PHKB: variants seen among roughly 807,000 people sequenced by gnomAD.
PHKB encodes phosphorylase b kinase regulatory subunit beta.
In PHKB, 122 loss-of-function variants were observed where a neutral mutation model predicts 152.1. That is an observed-to-expected ratio of 0.80 (90% CI 0.69 to 0.93). PHKB has a LOEUF of 0.93. PHKB is among the 40% of genes least tolerant of loss of function. PHKB has a pLI of 0.00. For missense variants in PHKB, 1,304 were observed against 1,328.4 expected, an observed-to-expected ratio of 0.98 and a Z score of 0.29; for synonymous variants, 436 against 464.9, an observed-to-expected ratio of 0.94 and a Z score of 0.80.
chr16:47,516,490 G>A (rs547039498), intron 6 of PHKB, among the ~76,000 whole-genome samples: 2 of 152,330 alleles, frequency 1.3e-5, no homozygotes, highest in South Asian at 4.1e-4. Context: ...ATGTGCCATA[G>A]TGGGAGCAAA....
intron 7 of PHKB, among the ~76,000 whole-genome samples, chr16:47,559,293 G>T (rs750862890): frequency 1.3e-5 from 2 of 152,118 alleles, no homozygotes; most frequent in Non-Finnish European, 2.9e-5. Context: ...CTATTTTACA[G>T]TATTCAAAAT....
At chr16:47,610,055 C>T (rs1972397773) in intron 13 of PHKB, among the ~76,000 whole-genome samples, 1 of 151,570 alleles carries the variant, frequency 6.6e-6, no homozygotes, top group South Asian at 2.1e-4. Context: ...TACAGTGGCA[C>T]AATCTTGGCT....
intron 16 of PHKB, among the ~76,000 whole-genome samples, chr16:47,643,080 A>C (rs1450859100): frequency 6.6e-6 from 1 of 152,126 alleles, no homozygotes; most frequent in Non-Finnish European, 1.5e-5. Flanking sequence ...ATTAACCCAA[A>C]TCTGTTTTTT....
intron 25 of PHKB, among the ~76,000 whole-genome samples, chr16:47,667,475 T>C (rs1457178986): frequency 2.6e-5 from 4 of 152,124 alleles, no homozygotes; most frequent in Non-Finnish European, 5.9e-5. Context: ...AAGAAAAAGT[T>C]AAATCACTTC....
intron 14 of PHKB, among the ~76,000 whole-genome samples, chr16:47,626,346 T>C (rs994773492): frequency 3.3e-5 from 5 of 152,192 alleles, no homozygotes; most frequent in African/African-American, 1.2e-4. Flanking sequence ...TGATGATAAA[T>C]CTTGCCTCAA....
intron 20 of PHKB, among the ~76,000 whole-genome samples, chr16:47,652,366 C>T (rs1320009285): frequency 6.7e-6 from 1 of 149,638 alleles, no homozygotes; most frequent in African/African-American, 2.5e-5. Context: ...GCCCTCCTTC[C>T]TGCTCTAGTG....
chr16:47,495,186 A>C (rs1487255972), intron 1 of PHKB, among the ~76,000 whole-genome samples: 1 of 140,662 alleles, frequency 7.1e-6, no homozygotes, highest in Admixed American at 7.0e-5. Flanking sequence ...CTCTAACAGA[A>C]CTCCTTTTTT....
In PHKB at chr16:47,649,148, G is replaced by C. The variant is rs202127217; in HGVS notation, c.1741G>C (p.Asp581His). The change falls in exon 18 of 31, where the codon GAC becomes CAC. Residue 581 changes from aspartate to histidine, a missense_variant. Asp to His is a moderately conservative substitution (Grantham distance 81). Coordinates refer to ENST00000323584, the MANE Select transcript of PHKB (RefSeq NM_000293.3). ...KTVVCYPIIFDLSDFYMSQDV... is the reference protein window; with the variant it reads ...KTVVCYPIIFHLSDFYMSQDV... ...TGTGGTTTGTTACCCGATTATTTTCGACCTAAGTGATTTCTACATGTCTCA... is the reference window on the plus strand; with the variant it reads ...TGTGGTTTGTTACCCGATTATTTTCCACCTAAGTGATTTCTACATGTCTCA... 2 of 1,610,834 alleles carry C rather than the reference G, an allele frequency of 1.2e-6. No individual in the cohort carries two copies. Among genetic ancestry groups the C allele is most frequent in the African/African-American group, 1.3e-5 (1 of 74,896 alleles).
intron 6 of PHKB, among the ~76,000 whole-genome samples, chr16:47,516,582 C>A (rs570693592): frequency 6.6e-6 from 1 of 152,272 alleles, no homozygotes; most frequent in East Asian, 1.9e-4. Flanking sequence ...TATTCCTCTC[C>A]TGTGATCCAT....
chr16:47,538,175 A>G (rs544461173), intron 6 of PHKB, among the ~76,000 whole-genome samples: 6 of 152,196 alleles, frequency 3.9e-5, no homozygotes, highest in Non-Finnish European at 8.8e-5. Flanking sequence ...GATTGTAGGC[A>G]TGAGACACTG....
intron 26 of PHKB, among the ~76,000 whole-genome samples, chr16:47,682,326 A>G (rs1597177042): frequency 6.6e-6 from 1 of 152,270 alleles, no homozygotes; most frequent in Middle Eastern, 3.4e-3. Flanking sequence ...AGATTGGGGA[A>G]GTATTGTCCT....
At chr16:47,655,720 G>T (rs1023698557) in intron 20 of PHKB, among the ~76,000 whole-genome samples, 1 of 152,158 alleles carries the variant, frequency 6.6e-6, no homozygotes, top group Non-Finnish European at 1.5e-5. Flanking sequence ...AGTTGGTCAA[G>T]ACCTTAAGAT....
intron 10 of PHKB, among the ~76,000 whole-genome samples, chr16:47,592,989 G>A (rs1300170635): frequency 6.6e-6 from 1 of 151,976 alleles, no homozygotes; most frequent in Non-Finnish European, 1.5e-5. Context: ...TGCCTGTAAT[G>A]TCTGTAATCC....
At chr16:47,660,449 A>G (rs372710365) in intron 20 of PHKB, 57 bp from the exon 21 acceptor site, 9 of 1,380,680 alleles carry the variant, frequency 6.5e-6, no homozygotes, top group Non-Finnish European at 7.2e-6. Context: ...CACACAGGCC[A>G]TTAGAGTATG....
At chr16:47,684,279 C>T (rs1042697576) in intron 26 of PHKB, among the ~76,000 whole-genome samples, 2 of 151,474 alleles carry the variant, frequency 1.3e-5, no homozygotes, top group African/African-American at 4.9e-5. Flanking sequence ...AAGCCAAGAT[C>T]ACAACAGCTG....
intron 20 of PHKB, among the ~76,000 whole-genome samples, chr16:47,653,666 G>T (rs1221197491): frequency 6.6e-6 from 1 of 152,064 alleles, no homozygotes; most frequent in African/African-American, 2.4e-5. Context: ...CCCATTCCAG[G>T]ATGTACCTAG....
chr16:47,685,913 T>G (rs1457439115), intron 26 of PHKB, among the ~76,000 whole-genome samples: 1 of 152,044 alleles, frequency 6.6e-6, no homozygotes, highest in Non-Finnish European at 1.5e-5. Context: ...GGCTGATTTT[T>G]TGTATTTTTA....
chr16:47,699,403 T>A lies in PHKB; in HGVS notation c.*37T>A. 6 of 1,609,824 alleles carry A rather than the reference T, an allele frequency of 3.7e-6. No individual in the cohort carries two copies. Among genetic ancestry groups the A allele is most frequent in the Non-Finnish European group, 5.1e-6 (6 of 1,175,998 alleles). ...TAGGAAGCTCTGTTGAGACACATGTTCTGAAGTGTGTTGTGTTTCATGTTC... is the reference window on the plus strand; with the variant it reads ...TAGGAAGCTCTGTTGAGACACATGTACTGAAGTGTGTTGTGTTTCATGTTC... On this transcript the variant is annotated 3_prime_UTR_variant, in exon 31 of 31. Transcript: ENST00000323584.
intron 13 of PHKB, chr16:47,599,067 G>A (rs1460575826): frequency 1.7e-6 from 1 of 591,058 alleles, no homozygotes; most frequent in Non-Finnish European, 3.0e-6. Context: ...AAGTTGGGAA[G>A]GTTATCTCTG....
Sources: gnomAD v4.1 joint callset for allele counts (sites outside exome capture counted in the v4.1 genomes callset) on GRCh38, gnomAD v4.1.1 for gene constraint, MANE v1.5 for transcripts, NCBI Gene and HGNC (gene_info 2026-07-23, HGNC 2026-07-21) for gene names.